OR2I1: variants seen among roughly 807,000 people sequenced by gnomAD.
OR2I1 encodes olfactory receptor family 2 subfamily I member 1 (gene/pseudogene), also known as putative olfactory receptor 2I1.
At chr6:29,551,479 C>A in the OR2I1 span, among the ~76,000 whole-genome samples, 1 of 152,182 alleles carries the variant, frequency 6.6e-6, no homozygotes, top group East Asian at 1.9e-4. Flanking sequence ...CTAACATACT[C>A]TATAAAATAA....
At chr6:29,552,403 C>A in the OR2I1 span, among the ~76,000 whole-genome samples, 1 of 152,186 alleles carries the variant, frequency 6.6e-6, no homozygotes, top group African/African-American at 2.4e-5. Flanking sequence ...TTCTACCCAA[C>A]TTATTCCTGA....
chr6:29,553,482 GCT>G, the OR2I1 span: 2 of 398,680 alleles, frequency 5.0e-6, no homozygotes, highest in Non-Finnish European at 8.8e-6. Context: ...GCGGACCAGC[GCT>G]CTGGCTGCCG....
chr6:29,552,568 T>C, the OR2I1 span, among the ~76,000 whole-genome samples: 1 of 52,122 alleles, frequency 1.9e-5, no homozygotes, highest in Non-Finnish European at 3.5e-5. Context: ...TATTTAAGAG[T>C]TTATTTGAGC....
the OR2I1 span, chr6:29,556,445 A>T: frequency 6.9e-6 from 6 of 863,844 alleles, no homozygotes; most frequent in East Asian, 1.5e-4. Context: ...TCCACTATCT[A>T]TCTGGTCCTC....
At chr6:29,554,442 G>A in the OR2I1 span, 1 of 296,224 alleles carries the variant, frequency 3.4e-6, no homozygotes, top group Middle Eastern at 9.1e-4. Context: ...CTCGCCTTTA[G>A]CTTCCTCCCT....
the OR2I1 span, chr6:29,553,527 G>T: frequency 2.5e-6 from 1 of 398,540 alleles, no homozygotes; most frequent in Non-Finnish European, 4.4e-6. Context: ...TGTGCGCATC[G>T]CTGGCTCTGG....
chr6:29,551,315 T>G, the OR2I1 span, among the ~76,000 whole-genome samples: 2 of 152,232 alleles, frequency 1.3e-5, no homozygotes, highest in South Asian at 2.1e-4. Flanking sequence ...GGTAAGACTT[T>G]GCATGTCCTT....
the OR2I1 span, chr6:29,553,289 C>A: frequency 2.5e-6 from 1 of 399,146 alleles, no homozygotes; most frequent in Non-Finnish European, 4.4e-6. Context: ...TCCCTGCAGC[C>A]GGTCCTCTTC....
the OR2I1 span, chr6:29,554,432 C>G: frequency 3.2e-6 from 1 of 309,342 alleles, no homozygotes; most frequent in Non-Finnish European, 5.9e-6. Flanking sequence ...GGACGTGATG[C>G]TCGCCTTTAG....
At chr6:29,556,095 A>G in the OR2I1 span, 91,809 of 1,612,714 alleles carry the variant, frequency 0.057, 10,439 homozygotes, top group African/African-American at 0.45. Flanking sequence ...TCATCACCTG[A>G]CTCCACAAGA....
At chr6:29,556,092 C>T in the OR2I1 span, 2 of 1,612,988 alleles carry the variant, frequency 1.2e-6, no homozygotes, top group African/African-American at 1.3e-5. Flanking sequence ...GCCTCATCAC[C>T]TGACTCCACA....
the OR2I1 span, chr6:29,554,179 G>A: frequency 5.0e-6 from 2 of 398,810 alleles, no homozygotes; most frequent in African/African-American, 4.1e-5. Context: ...AGTTGGGGAG[G>A]GGAGAAAGTA....
At chr6:29,551,386 G>A in the OR2I1 span, among the ~76,000 whole-genome samples, 3 of 152,338 alleles carry the variant, frequency 2.0e-5, no homozygotes, top group South Asian at 6.2e-4. Context: ...GGACCTCGAA[G>A]TTAGTCAAAT....
At chr6:29,556,340 C>T in the OR2I1 span, 38 of 1,609,614 alleles carry the variant, frequency 2.4e-5, no homozygotes, top group Middle Eastern at 1.3e-3. Context: ...TTCCTCGGAA[C>T]GGACATGCAC....
the OR2I1 span, chr6:29,553,144 A>G: frequency 5.0e-6 from 2 of 398,196 alleles, no homozygotes; most frequent in South Asian, 1.4e-4. Flanking sequence ...CCACACTCCA[A>G]GGTTTTCCCT....
the OR2I1 span, chr6:29,553,488 GCTGCCGCGCAGCCA>G: frequency 5.0e-6 from 2 of 398,496 alleles, no homozygotes; most frequent in Non-Finnish European, 8.8e-6. Context: ...CAGCGCTCTG[GCTGCCGCGCAGCCA>G]CTGCACGGCC....
the OR2I1 span, among the ~76,000 whole-genome samples, chr6:29,552,117 G>A: frequency 6.6e-6 from 1 of 152,150 alleles, no homozygotes; most frequent in East Asian, 1.9e-4. Context: ...GTACCATTAA[G>A]ACACTTGGTT....
the OR2I1 span, chr6:29,556,047 A>G: frequency 6.2e-7 from 1 of 1,613,044 alleles, no homozygotes; most frequent in Middle Eastern, 1.6e-4. Context: ...TGTGCCACTG[A>G]GCTGGACCTT....
chr6:29,553,293 C>T, the OR2I1 span: 1 of 399,056 alleles, frequency 2.5e-6, no homozygotes, highest in African/African-American at 2.1e-5. Context: ...TGCAGCCGGT[C>T]CTCTTCGCCC....
Sources: allele counts gnomAD v4.1 joint callset (sites outside exome capture counted in the v4.1 genomes callset), GRCh38; gene constraint gnomAD v4.1.1; transcripts MANE v1.5; gene names NCBI Gene and HGNC (gene_info 2026-07-23, HGNC 2026-07-21).